Variants in USP32 observed in about 807,000 individuals in gnomAD.
The protein encoded by USP32 is ubiquitin specific peptidase 32.
In USP32, 59 loss-of-function variants were observed where a neutral mutation model predicts 204.8. The ratio of observed to expected loss-of-function variants is 0.29; its 90% CI spans 0.23 to 0.36. The LOEUF (loss-of-function observed/expected upper bound fraction) is 0.36, where lower values mean the gene tolerates loss of function less well. USP32 is among the 10% of genes least tolerant of loss of function. USP32 has a pLI of 1.00. For synonymous variants in USP32, 517 were observed against 678.4 expected (o/e 0.76, Z 3.70); for missense variants, 1,160 against 1,946.4 (o/e 0.60, Z 7.60).
At chr17:60,295,519 T>C (rs946435234) in intron 3 of USP32, among the ~76,000 whole-genome samples, 15 of 152,194 alleles carry the variant, frequency 9.9e-5, no homozygotes, top group Admixed American at 2.6e-4. Context: ...AAACTTTAAA[T>C]TGCACACTGT....
At chr17:60,203,261 C>G (rs886717003) in intron 26 of USP32, among the ~76,000 whole-genome samples, 14 of 151,696 alleles carry the variant, frequency 9.2e-5, no homozygotes, top group Admixed American at 7.2e-4. Flanking sequence ...ATTAGCCAGG[C>G]ATGGTGGCGT....
chr17:60,421,029 G>T (rs1433512866), intron 1 of USP32, among the ~76,000 whole-genome samples: 1 of 152,130 alleles, frequency 6.6e-6, no homozygotes. Context: ...CCTATAAGTA[G>T]AATTGGTGAG....
chr17:60,358,953 G>A (rs1598283275), intron 1 of USP32, among the ~76,000 whole-genome samples: 2 of 152,300 alleles, frequency 1.3e-5, no homozygotes, highest in East Asian at 1.9e-4. Context: ...AATTTAAAAT[G>A]CAAACCTTAG....
intron 11 of USP32, among the ~76,000 whole-genome samples, chr17:60,239,460 T>C (rs59284121): frequency 0.021 from 3,274 of 152,302 alleles, 137 homozygotes; most frequent in African/African-American, 0.075. Flanking sequence ...TTGACACATA[T>C]GATGTTGTTC....
intron 5 of USP32, among the ~76,000 whole-genome samples, chr17:60,282,678 T>C (rs2086997411): frequency 6.6e-6 from 1 of 152,124 alleles, no homozygotes; most frequent in Admixed American, 6.6e-5. Context: ...TATGAGAACA[T>C]CCCCATGCTA....
chr17:60,322,674 T>C (rs2088142380), intron 2 of USP32, among the ~76,000 whole-genome samples: 1 of 152,184 alleles, frequency 6.6e-6, no homozygotes, highest in South Asian at 2.1e-4. Context: ...GTTACATTTA[T>C]AGAACCACCA....
chr17:60,200,218 T>G (rs1429832162), intron 26 of USP32, among the ~76,000 whole-genome samples: 1 of 150,686 alleles, frequency 6.6e-6, no homozygotes, highest in Non-Finnish European at 1.5e-5. Context: ...AGAAAGAAAT[T>G]TTAAGCCAAG....
chr17:60,209,625 C>T lies in USP32; in HGVS notation c.2425-82G>A, dbSNP rs901591967. 4.9e-4 allele frequency: 453 copies of T among 916,112 alleles called. 3 individuals carry two copies. Among genetic ancestry groups the T allele is most frequent in the Non-Finnish European group, 4.7e-4 (295 of 624,860 alleles). The allele number at this position is 916,112 out of a possible 1,614,324, so 56.7% of individuals were successfully genotyped here. ...ACATGTCCTATAATCCAATCAGAGC[C>T]ATTGTAAGAAAATAAATAGTATAGT... On this transcript the variant is annotated intron_variant, in intron 21 of 33. Transcript: ENST00000300896.
intron 4 of USP32, among the ~76,000 whole-genome samples, chr17:60,291,670 G>A (rs138108299): frequency 1.2e-3 from 182 of 152,010 alleles, no homozygotes; most frequent in African/African-American, 4.0e-3. Flanking sequence ...TGCAATCATC[G>A]ACACACTACT....
chr17:60,210,153 T>A (rs2084923863), intron 21 of USP32, among the ~76,000 whole-genome samples: 2 of 152,026 alleles, frequency 1.3e-5, no homozygotes, highest in South Asian at 4.1e-4. Context: ...AGGTAAGTAG[T>A]CAAATGTGTA....
rs147886293 is a variant in USP32 at position 60,287,842 on chromosome 17, G to C, written c.571+681C>G. ...AAAAAAAATTTCTCAGGCCGGGCAT[G>C]GTGGCTCACGCCTATAATTCCAGCA... On this transcript the variant is annotated intron_variant, in intron 5 of 33. Coordinates refer to ENST00000300896, the MANE Select transcript of USP32 (RefSeq NM_032582.4). 2.8e-3 allele frequency among the ~76,000 whole-genome samples: 433 copies of C among 152,266 alleles called. 1 individual carries two copies. The highest frequency in any genetic ancestry group is 5.2e-3 in the Non-Finnish European group (353 of 68,016).
intron 2 of USP32, among the ~76,000 whole-genome samples, chr17:60,330,504 TTC>T (rs887353520): frequency 3.5e-5 from 5 of 144,192 alleles, no homozygotes; most frequent in Admixed American, 6.8e-5. Flanking sequence ...CTTTCTCTCT[TTC>T]TCTCTCTCTC....
chr17:60,213,923 A>T (rs2085035573), intron 17 of USP32, among the ~76,000 whole-genome samples: 1 of 151,716 alleles, frequency 6.6e-6, no homozygotes. Context: ...GTGTTTGGTT[A>T]CATGAATACG....
chr17:60,388,289 TACACAC>T (rs35068599), intron 1 of USP32, among the ~76,000 whole-genome samples: 42 of 142,014 alleles, frequency 3.0e-4, no homozygotes, highest in South Asian at 6.8e-4. Flanking sequence ...AGCCGATTCT[TACACAC>T]ACACACACAC....
At chr17:60,311,367 T>C (rs1025086102) in intron 2 of USP32, among the ~76,000 whole-genome samples, 2 of 152,198 alleles carry the variant, frequency 1.3e-5, no homozygotes, top group Non-Finnish European at 2.9e-5. Context: ...AAAATTGATG[T>C]ATGTGGTAAT....
At chr17:60,387,998 G>T (rs1257039495) in intron 1 of USP32, among the ~76,000 whole-genome samples, 2 of 151,910 alleles carry the variant, frequency 1.3e-5, no homozygotes, top group African/African-American at 4.8e-5. Context: ...ACACTTAGTG[G>T]AGATCACTGA....
intron 1 of USP32, among the ~76,000 whole-genome samples, chr17:60,367,077 T>C (rs1231453209): frequency 2.6e-5 from 4 of 152,158 alleles, no homozygotes; most frequent in African/African-American, 4.8e-5. Flanking sequence ...TCCGCCCCCC[T>C]TGGCCTCCCA....
intron 1 of USP32, among the ~76,000 whole-genome samples, chr17:60,345,888 A>G (rs2088775017): frequency 6.6e-6 from 1 of 152,128 alleles, no homozygotes; most frequent in African/African-American, 2.4e-5. Flanking sequence ...AGGCTGAGAC[A>G]CGATAATCAC....
intron 2 of USP32, among the ~76,000 whole-genome samples, chr17:60,312,759 C>T (rs2087885514): frequency 1.3e-5 from 2 of 152,168 alleles, no homozygotes; most frequent in South Asian, 2.1e-4. Context: ...CACCAACCTA[C>T]ATGCTTAAAA....
Sources: gnomAD v4.1 joint callset for allele counts (sites outside exome capture counted in the v4.1 genomes callset) on GRCh38, gnomAD v4.1.1 for gene constraint, MANE v1.5 for transcripts, NCBI Gene and HGNC (gene_info 2026-07-23, HGNC 2026-07-21) for gene names.